Variants in SIDT1 observed in about 807,000 individuals in gnomAD.
SIDT1 encodes SID1 transmembrane family, member 1.
Under a neutral mutation model 107.5 loss-of-function variants are expected in SIDT1, and 101 were observed. The observed-to-expected ratio is 0.94, with a 90% confidence interval of 0.80 to 1.11. SIDT1 has a LOEUF of 1.11. SIDT1 is among the 50% of genes least tolerant of loss of function. SIDT1 has a pLI of 0.00. For missense variants in SIDT1, 1,076 were observed against 1,058.2 expected (o/e 1.02, Z -0.23); for synonymous variants, 395 against 398.2 (o/e 0.99, Z 0.10).
At chr3:113,558,901 T>A (rs1576759279) in intron 1 of SIDT1, among the ~76,000 whole-genome samples, 1 of 152,250 alleles carries the variant, frequency 6.6e-6, no homozygotes, top group Non-Finnish European at 1.5e-5. Context: ...AATACTGTAT[T>A]GTTTTCCTTG....
chr3:113,618,176 A>G (rs1946233458), intron 20 of SIDT1, among the ~76,000 whole-genome samples: 1 of 152,192 alleles, frequency 6.6e-6, no homozygotes, highest in African/African-American at 2.4e-5. Flanking sequence ...ATCATACAGT[A>G]TATAGCCATT....
At chr3:113,573,909 T>C (rs1942687577) in intron 3 of SIDT1, among the ~76,000 whole-genome samples, 1 of 152,200 alleles carries the variant, frequency 6.6e-6, no homozygotes, top group Non-Finnish European at 1.5e-5. Flanking sequence ...CTCTTACCCT[T>C]AGCAAAGGAA....
chr3:113,609,226 C>A (rs578258831), intron 17 of SIDT1, among the ~76,000 whole-genome samples: 1 of 151,988 alleles, frequency 6.6e-6, no homozygotes, highest in East Asian at 1.9e-4. Context: ...CCACGCCCAG[C>A]TAATTTTTGT....
chr3:113,563,939 T>C (rs554584088), intron 1 of SIDT1, among the ~76,000 whole-genome samples: 1 of 152,254 alleles, frequency 6.6e-6, no homozygotes, highest in East Asian at 1.9e-4. Flanking sequence ...GTACTTCTTT[T>C]TCTTTTTTTT....
chr3:113,602,913 A>G (rs866540945), intron 11 of SIDT1, 92 bp from the exon 12 acceptor site: 6 of 1,344,554 alleles, frequency 4.5e-6, no homozygotes, highest in Middle Eastern at 2.4e-4. Flanking sequence ...AGCATTTCCT[A>G]GAATGAGTCT....
At position 113,566,507 on chromosome 3, in the gene SIDT1, C is replaced by T; in HGVS notation, c.310C>T (p.Leu104=). The T allele has an allele frequency of 6.2e-7, 1 of 1,614,158 alleles. No individual in the cohort carries two copies. Among genetic ancestry groups the T allele is most frequent in the Non-Finnish European group, 8.5e-7 (1 of 1,180,010 alleles). The change falls in exon 2 of 25, where the codon CTG becomes TTG. Residue 104 remains leucine, a synonymous_variant. Transcript: ENST00000264852. ...LVVVRQQKEV[L]SWQVPLLFQG... ...TGTGGTTCGCCAGCAGAAAGAGGTGCTGTCCTGGCAGGTTCCTCTGCTCTT... is the reference window on the plus strand; with the variant it reads ...TGTGGTTCGCCAGCAGAAAGAGGTGTTGTCCTGGCAGGTTCCTCTGCTCTT...
intron 1 of SIDT1, 96 bp downstream of exon 1, chr3:113,533,339 A>C (rs1037091001): frequency 6.2e-6 from 6 of 964,806 alleles, no homozygotes; most frequent in Non-Finnish European, 8.5e-6. Flanking sequence ...ACCTTGGGAG[A>C]CTTCGGGGAC....
rs866225708 is a variant in SIDT1 at position 113,563,175 on chromosome 3, G to T, written c.223-3245G>T. Among the ~76,000 whole-genome samples, 10 of 152,278 alleles carry T rather than the reference G, an allele frequency of 6.6e-5. No individual in the cohort carries two copies. In the Middle Eastern group the frequency reaches 0.02, roughly 311 times the overall value. Reference sequence around the variant, plus strand: ...GTAGGCAAAGAAACTAGAGACGAAGGCACAGAAGACATCAAGAAGAGGCTT... The same window carrying T: ...GTAGGCAAAGAAACTAGAGACGAAGTCACAGAAGACATCAAGAAGAGGCTT... On this transcript the variant is annotated intron_variant, in intron 1 of 24. Coordinates refer to ENST00000264852, the MANE Select transcript of SIDT1 (RefSeq NM_017699.3).
chr3:113,581,489 AATAG>A (rs751948140), intron 6 of SIDT1, 45 bp downstream of exon 6: 50 of 1,457,250 alleles, frequency 3.4e-5, no homozygotes, highest in Non-Finnish European at 4.5e-5. Flanking sequence ...GGTAATGCTC[AATAG>A]ATAGTGTACT....
At chr3:113,558,919 A>C (rs1941159918) in intron 1 of SIDT1, among the ~76,000 whole-genome samples, 1 of 152,248 alleles carries the variant, frequency 6.6e-6, no homozygotes, top group African/African-American at 2.4e-5. Context: ...TTGTTTACAA[A>C]GTTAAATAAA....
chr3:113,614,444 G>A (rs1300441873), intron 19 of SIDT1, among the ~76,000 whole-genome samples: 1 of 152,194 alleles, frequency 6.6e-6, no homozygotes, highest in Non-Finnish European at 1.5e-5. Flanking sequence ...GGTGGTTACA[G>A]ATGTACCAGA....
rs200420984 is a variant in SIDT1, at chr3:113,607,061, C to T, written c.1425C>T (p.Asn475=). Residue 475 remains asparagine, a synonymous_variant, in exon 15 of 25, where the codon AAC becomes AAT. Transcript: ENST00000264852. ...TYQTVVNVTG[N]QDICYYNFLC... Reference sequence around the variant, plus strand: ...TACAGGTGGTAAATGTCACTGGCAACCAGGACATCTGTTACTACAACTTCC... The same window carrying T: ...TACAGGTGGTAAATGTCACTGGCAATCAGGACATCTGTTACTACAACTTCC... The T allele has an allele frequency of 1.2e-6, 2 of 1,612,716 alleles. No individual in the cohort carries two copies. The highest frequency in any genetic ancestry group is 1.7e-5 in the Admixed American group (1 of 60,010).
chr3:113,572,400 A>G (rs1288027892), intron 3 of SIDT1, among the ~76,000 whole-genome samples: 6 of 152,332 alleles, frequency 3.9e-5, no homozygotes, highest in African/African-American at 1.4e-4. Flanking sequence ...TACAGGAGAT[A>G]GGGCTGGAGA....
intron 5 of SIDT1, 68 bp from the exon 6 acceptor site, chr3:113,581,293 C>A: frequency 7.9e-7 from 1 of 1,261,620 alleles, no homozygotes; most frequent in Non-Finnish European, 1.2e-6. Flanking sequence ...GCTGACAGGA[C>A]CTATGTGTGG....
At chr3:113,549,461 T>C (rs1939967172) in intron 1 of SIDT1, among the ~76,000 whole-genome samples, 1 of 152,234 alleles carries the variant, frequency 6.6e-6, no homozygotes, top group African/African-American at 2.4e-5. Flanking sequence ...CTAATAAGTG[T>C]ATAGTGGCAT....
intron 14 of SIDT1, among the ~76,000 whole-genome samples, chr3:113,606,143 C>T (rs1482088836): frequency 1.3e-5 from 2 of 152,110 alleles, no homozygotes; most frequent in Non-Finnish European, 2.9e-5. Context: ...AATCCTCATT[C>T]CTCCATAGAA....
intron 1 of SIDT1, among the ~76,000 whole-genome samples, chr3:113,540,188 C>T (rs1177599783): frequency 6.6e-6 from 1 of 151,986 alleles, no homozygotes; most frequent in East Asian, 1.9e-4. Context: ...TTTTGAACAA[C>T]CAACTCTCAT....
intron 1 of SIDT1, among the ~76,000 whole-genome samples, chr3:113,561,667 A>G (rs764899252): frequency 2.6e-5 from 4 of 152,246 alleles, no homozygotes; most frequent in Non-Finnish European, 2.9e-5. Context: ...GTCCCCATCC[A>G]TGTACATCAG....
Position 113,622,347 on chromosome 3 carries a change from C to T in SIDT1, c.2091-1080C>T, listed in dbSNP as rs138319346. On this transcript the variant is annotated intron_variant, in intron 21 of 24. Transcript: ENST00000264852. Reference sequence around the variant, plus strand: ...GGCGTGGTGGCATGCGTCTGTAATCCCAGCTACTCCAGAGGCTGTGGCAGA... The same window carrying T: ...GGCGTGGTGGCATGCGTCTGTAATCTCAGCTACTCCAGAGGCTGTGGCAGA... Among the ~76,000 whole-genome samples the T allele has an allele frequency of 3.2e-4, 49 of 150,990 alleles. No homozygotes were observed. In the East Asian group the frequency reaches 6.8e-3, roughly 21 times the overall value.
Sources: gnomAD v4.1 joint callset for allele counts (sites outside exome capture counted in the v4.1 genomes callset) on GRCh38, gnomAD v4.1.1 for gene constraint, MANE v1.5 for transcripts, NCBI Gene and HGNC (gene_info 2026-07-23, HGNC 2026-07-21) for gene names.